The following MITF variants were observed in gnomAD, a reference collection of about 807,000 sequenced individuals.
The protein encoded by MITF is microphthalmia-associated transcription factor.
A neutral mutation model predicts 60.5 loss-of-function variants in MITF; 17 were observed. The ratio of observed to expected loss-of-function variants is 0.28; its 90% CI spans 0.19 to 0.42. The LOEUF (loss-of-function observed/expected upper bound fraction) is 0.42. MITF is among the 10% of genes least tolerant of loss of function. MITF has a pLI of 1.00. For missense variants in MITF, 622 were observed against 683.5 expected, an observed-to-expected ratio of 0.91 and a Z score of 1.00; for synonymous variants, 260 against 248.5, an observed-to-expected ratio of 1.05 and a Z score of -0.43.
intron 9 of MITF, among the ~76,000 whole-genome samples, chr3:69,960,454 G>A (rs1576058014): frequency 6.6e-6 from 1 of 152,156 alleles, no homozygotes; most frequent in East Asian, 1.9e-4. Context: ...ACTTCTCTCA[G>A]GGGCTTGGCG....
intron 2 of MITF, among the ~76,000 whole-genome samples, chr3:69,916,380 G>C (rs566818765): frequency 6.6e-6 from 1 of 152,146 alleles, no homozygotes; most frequent in East Asian, 1.9e-4. Context: ...TGTATTTGGG[G>C]CTTCAGAACC....
At chr3:69,793,552 AAGT>A (rs2062779703) in intron 1 of MITF, among the ~76,000 whole-genome samples, 5 of 151,950 alleles carry the variant, frequency 3.3e-5, no homozygotes, top group South Asian at 2.1e-4. Flanking sequence ...CCCAATGCTC[AAGT>A]TATGATGACC....
intron 1 of MITF, among the ~76,000 whole-genome samples, chr3:69,778,566 G>A (rs138094243): frequency 1.3e-3 from 192 of 152,162 alleles, no homozygotes; most frequent in African/African-American, 4.4e-3. Flanking sequence ...GTCACCTCAT[G>A]GTTGCAAGAT....
intron 1 of MITF, among the ~76,000 whole-genome samples, chr3:69,804,420 G>A (rs982148546): frequency 6.6e-5 from 10 of 151,912 alleles, no homozygotes; most frequent in Non-Finnish European, 5.9e-5. Flanking sequence ...CGGGGTTGAG[G>A]CTCCCTCTTT....
intron 1 of MITF, among the ~76,000 whole-genome samples, chr3:69,749,933 C>T (rs190422054): frequency 6.6e-6 from 1 of 152,260 alleles, no homozygotes; most frequent in East Asian, 1.9e-4. Context: ...GAAGGTAATT[C>T]TAACAATACT....
At chr3:69,949,301 A>G (rs2066181734) in intron 6 of MITF, 133 bp downstream of exon 6, 2 of 692,774 alleles carry the variant, frequency 2.9e-6, no homozygotes, top group African/African-American at 3.6e-5. Flanking sequence ...TGCAGTGGTT[A>G]AAACATTATG....
chr3:69,956,413 G>A, intron 7 of MITF, 42 bp from the exon 8 acceptor site: 2 of 1,469,666 alleles, frequency 1.4e-6, no homozygotes, highest in South Asian at 1.1e-5. Flanking sequence ...ATGCATACAT[G>A]GCACTGTTAC....
chr3:69,746,016 A>G (rs1235512072), intron 1 of MITF, among the ~76,000 whole-genome samples: 3 of 152,234 alleles, frequency 2.0e-5, no homozygotes. Context: ...ATATAGAATC[A>G]TGCATCCAAA....
intron 2 of MITF, among the ~76,000 whole-genome samples, chr3:69,906,085 T>C (rs932089941): frequency 1.3e-5 from 2 of 152,194 alleles, no homozygotes; most frequent in African/African-American, 4.8e-5. Context: ...TGTTTTCTTT[T>C]AGAATGTTAT....
At chr3:69,763,481 T>C in intron 1 of MITF, 1 of 1,062,996 alleles carries the variant, frequency 9.4e-7, no homozygotes, top group Non-Finnish European at 1.1e-6. Context: ...TCATTTTAAG[T>C]AGGCAGCAAT....
intron 1 of MITF, among the ~76,000 whole-genome samples, chr3:69,790,887 C>T (rs979508047): frequency 1.3e-5 from 2 of 152,200 alleles, no homozygotes; most frequent in South Asian, 2.1e-4. Context: ...ATACTAACTT[C>T]CTGGCCACAG....
chr3:69,739,826 C>A, intron 1 of MITF, 125 bp downstream of exon 1: 1 of 713,946 alleles, frequency 1.4e-6, no homozygotes, highest in Non-Finnish European at 2.4e-6. Context: ...TGCCCCGGAG[C>A]AGAGGGCGAA....
At chr3:69,845,641 C>G (rs1345802869) in intron 1 of MITF, among the ~76,000 whole-genome samples, 1 of 152,060 alleles carries the variant, frequency 6.6e-6, no homozygotes, top group Non-Finnish European at 1.5e-5. Flanking sequence ...ACCCAGTTAG[C>G]CTTTAGATGT....
chr3:69,772,438 G>A (rs987795697), intron 1 of MITF, among the ~76,000 whole-genome samples: 14 of 152,200 alleles, frequency 9.2e-5, no homozygotes, highest in Non-Finnish European at 1.6e-4. Flanking sequence ...TCCAATCTAA[G>A]CAAACCATCC....
chr3:69,739,569 C>T lies in MITF; in HGVS notation c.-29C>T, dbSNP rs764723775. Reference sequence around the variant, plus strand: ...GCCCCCGGGCTCTGTTCTCACTTTCCAGCAGTGGAAGGACGGGAAGCGGGA... The same window carrying T: ...GCCCCCGGGCTCTGTTCTCACTTTCTAGCAGTGGAAGGACGGGAAGCGGGA... On this transcript the variant is annotated 5_prime_UTR_variant, in exon 1 of 10. Transcript: ENST00000352241. 5.1e-5 allele frequency: 79 copies of T among 1,546,012 alleles called. No homozygotes were observed. Among genetic ancestry groups the T allele is most frequent in the Non-Finnish European group, 6.8e-5 (77 of 1,139,724 alleles).
intron 1 of MITF, among the ~76,000 whole-genome samples, chr3:69,834,995 T>G (rs1055220837): frequency 3.3e-5 from 5 of 151,048 alleles, no homozygotes; most frequent in Admixed American, 6.6e-5. Flanking sequence ...GAAAAGTGTC[T>G]ATTAAGCTTG....
chr3:69,869,390 T>C (rs1468288549), intron 1 of MITF, among the ~76,000 whole-genome samples: 2 of 152,172 alleles, frequency 1.3e-5, no homozygotes, highest in Admixed American at 6.5e-5. Flanking sequence ...GGAGACATGG[T>C]GGCAGAAGGT....
intron 2 of MITF, among the ~76,000 whole-genome samples, chr3:69,888,426 T>TC (rs2064675126): frequency 6.6e-6 from 1 of 151,762 alleles, no homozygotes; most frequent in Admixed American, 6.6e-5. Context: ...TTTTTTTTTT[T>TC]CTTTTGAAAG....
chr3:69,786,595 A>G (rs2062653501), intron 1 of MITF, among the ~76,000 whole-genome samples: 1 of 152,166 alleles, frequency 6.6e-6, no homozygotes, highest in African/African-American at 2.4e-5. Flanking sequence ...TCAAGTTCTT[A>G]TGGGTTGCAC....
Sources: gnomAD v4.1 joint callset for allele counts (sites outside exome capture counted in the v4.1 genomes callset) on GRCh38, gnomAD v4.1.1 for gene constraint, MANE v1.5 for transcripts, NCBI Gene and HGNC (gene_info 2026-07-23, HGNC 2026-07-21) for gene names.